Variants in GPR83 observed in about 807,000 individuals in gnomAD.
GPR83 encodes the protein G-protein coupled receptor 72.
GPR83 carries 23 observed loss-of-function variants against 28.0 expected under a neutral mutation model. The ratio of observed to expected loss-of-function variants is 0.82; its 90% confidence interval spans 0.59 to 1.16. The LOEUF is 1.16. Ranked by LOEUF, GPR83 falls within the 50% of genes most tolerant of loss-of-function variation. GPR83 has a pLI of 0.00. For synonymous variants in GPR83, 234 were observed against 215.4 expected, an observed-to-expected ratio of 1.09 and a Z score of -0.76; for missense variants, 610 against 536.6, an observed-to-expected ratio of 1.14 and a Z score of -1.35.
intron 2 of GPR83, 56 bp downstream of exon 2, chr11:94,396,343 C>T: frequency 1.3e-6 from 2 of 1,580,316 alleles, no homozygotes; most frequent in Non-Finnish European, 1.7e-6. Context: ...CCTGCAACTT[C>T]CAGGAAAGGG....
In GPR83 at chr11:94,380,155, C is replaced by T; in HGVS notation, c.1266G>A (p.Met422Ile). The change falls in exon 4 of 4, where the codon ATG becomes ATA. Residue 422 changes from methionine to isoleucine, a missense_variant. By Grantham distance (10) the Met-to-Ile change is conservative (BLOSUM62 1). Coordinates refer to ENST00000243673, the MANE Select transcript of GPR83 (RefSeq NM_016540.4). ...TCCCTCTTCCCAACCTCTTCTAACT[C>T]ATCGTCACAATGGGTTCCACAGATG... ...DLSSVEPIVT[M>I]S 2.6e-6 allele frequency: 4 copies of T among 1,512,070 alleles called. No individual in the cohort carries two copies. The highest frequency in any genetic ancestry group is 1.8e-6 in the Non-Finnish European group (2 of 1,130,968). The allele number at this position is 1,512,070 out of a possible 1,614,324, so 93.7% of individuals were successfully genotyped here.
At chr11:94,386,558 G>C (rs534123783) in intron 3 of GPR83, among the ~76,000 whole-genome samples, 1 of 152,228 alleles carries the variant, frequency 6.6e-6, no homozygotes, top group South Asian at 2.1e-4. Flanking sequence ...CCTAGTCTCT[G>C]ATAAAACAGA....
intron 3 of GPR83, among the ~76,000 whole-genome samples, chr11:94,385,573 T>A (rs1213532799): frequency 1.3e-5 from 2 of 152,124 alleles, no homozygotes; most frequent in African/African-American, 4.8e-5. Context: ...GTAACCAATG[T>A]GATCAACTGG....
chr11:94,391,975 A>G (rs1467580415), intron 3 of GPR83, among the ~76,000 whole-genome samples: 2 of 152,224 alleles, frequency 1.3e-5, no homozygotes, highest in African/African-American at 2.4e-5. Context: ...ATTATTGGGT[A>G]TACACCCAAA....
intron 3 of GPR83, among the ~76,000 whole-genome samples, chr11:94,388,359 G>A (rs575946305): frequency 2.6e-5 from 4 of 152,158 alleles, no homozygotes; most frequent in Non-Finnish European, 4.4e-5. Flanking sequence ...AGGGTATTCT[G>A]TTAGGAAAAG....
chr11:94,397,706 C>T (rs1377814779), intron 1 of GPR83, among the ~76,000 whole-genome samples: 2 of 152,326 alleles, frequency 1.3e-5, no homozygotes, highest in East Asian at 3.9e-4. Flanking sequence ...GTACTTAACG[C>T]TATCAACTGC....
intron 3 of GPR83, among the ~76,000 whole-genome samples, chr11:94,386,809 G>T (rs1944761711): frequency 6.6e-6 from 1 of 152,146 alleles, no homozygotes; most frequent in South Asian, 2.1e-4. Context: ...ATTGAACTCA[G>T]CTCTGCACCA....
chr11:94,387,710 C>T (rs576170592), intron 3 of GPR83, among the ~76,000 whole-genome samples: 187 of 152,232 alleles, frequency 1.2e-3, no homozygotes, highest in African/African-American at 4.2e-3. Flanking sequence ...AAAAAAAGTC[C>T]AGGACCAGAC....
chr11:94,400,017 AAC>A (rs1222800020), intron 1 of GPR83, among the ~76,000 whole-genome samples: 5 of 152,326 alleles, frequency 3.3e-5, no homozygotes, highest in East Asian at 3.9e-4. Context: ...ACAGACCTCA[AAC>A]ACAGCCTCAT....
intron 1 of GPR83, among the ~76,000 whole-genome samples, chr11:94,397,333 T>G (rs577096251): frequency 6.6e-6 from 1 of 152,296 alleles, no homozygotes; most frequent in African/African-American, 2.4e-5. Context: ...GATTGAGCAT[T>G]GATTCTGATT....
intron 3 of GPR83, among the ~76,000 whole-genome samples, chr11:94,390,968 A>C (rs924365402): frequency 6.6e-6 from 1 of 152,184 alleles, no homozygotes; most frequent in African/African-American, 2.4e-5. Context: ...AATTGGAAAA[A>C]ACTACTTTAA....
chr11:94,396,012 G>C (rs1944862184), intron 2 of GPR83, among the ~76,000 whole-genome samples: 1 of 152,202 alleles, frequency 6.6e-6, no homozygotes, highest in African/African-American at 2.4e-5. Context: ...CTGAGGTCAG[G>C]AGTTCGAGAC....
At position 94,401,042 on chromosome 11, in the gene GPR83, G is replaced by A. The variant is rs1037664865; in HGVS notation, c.206C>T (p.Thr69Met). The A allele has an allele frequency of 4.5e-5, 73 of 1,614,036 alleles. No homozygotes were observed. Among genetic ancestry groups the A allele is most frequent in the Non-Finnish European group, 5.8e-5 (69 of 1,179,948 alleles). Reference sequence around the variant, plus strand: ...AGCCACAATGAGCAGGGCTTTCACCGTGGGGTTCTGGGACTCAGCGCCGTA... The same window carrying A: ...AGCCACAATGAGCAGGGCTTTCACCATGGGGTTCTGGGACTCAGCGCCGTA... ...RRYGAESQNP[T>M]VKALLIVAYS... The change falls in exon 1 of 4, where the codon ACG (threonine) becomes ATG (methionine). Residue 69 changes from threonine to methionine, a missense_variant. By Grantham distance (81) the Thr-to-Met change is moderately conservative (BLOSUM62 -1). Transcript: ENST00000243673.
Position 94,401,049 on chromosome 11 carries a change from T to A in GPR83, c.199A>T (p.Asn67Tyr), listed in dbSNP as rs1270923620. ...ATGAGCAGGGCTTTCACCGTGGGGTTCTGGGACTCAGCGCCGTAGCGCCTC... is the reference window on the plus strand; with the variant it reads ...ATGAGCAGGGCTTTCACCGTGGGGTACTGGGACTCAGCGCCGTAGCGCCTC... ...GRRRYGAESQ[N>Y]PTVKALLIVA... Residue 67 changes from asparagine to tyrosine, a missense_variant, in exon 1 of 4, where the codon AAC becomes TAC. By Grantham distance (143) the Asn-to-Tyr change is moderately radical (BLOSUM62 -2). Coordinates refer to ENST00000243673, the MANE Select transcript of GPR83 (RefSeq NM_016540.4). 1 of 1,614,242 alleles carries A rather than the reference T, an allele frequency of 6.2e-7. No individual in the cohort carries two copies. Among genetic ancestry groups the A allele is most frequent in the Non-Finnish European group, 8.5e-7 (1 of 1,180,020 alleles).
At chr11:94,388,545 C>G (rs570020380) in intron 3 of GPR83, among the ~76,000 whole-genome samples, 1 of 152,042 alleles carries the variant, frequency 6.6e-6, no homozygotes, top group East Asian at 1.9e-4. Flanking sequence ...AAACAGAGAG[C>G]CAAATCATGA....
At chr11:94,381,446 G>A (rs1401844096) in intron 3 of GPR83, among the ~76,000 whole-genome samples, 1 of 152,072 alleles carries the variant, frequency 6.6e-6, no homozygotes, top group East Asian at 1.9e-4. Flanking sequence ...GGGCCTGGGT[G>A]AGTGATTCAT....
rs201402593 is a variant in GPR83 at position 94,400,927 on chromosome 11, G to A, written c.321C>T (p.Ser107=). ...FKNQRMHSAT[S]LFIVNLAVAD... is the part of the protein sequence containing the mutation. ...CAACTGCCAGGTTGACGATGAAGAGGCTGGTGGCCGAGTGCATTCGCTGGT... is the reference window on the plus strand; with the variant it reads ...CAACTGCCAGGTTGACGATGAAGAGACTGGTGGCCGAGTGCATTCGCTGGT... Residue 107 remains serine (S), a synonymous_variant, in exon 1 of 4, where the codon AGC becomes AGT. Transcript: ENST00000243673. 22 of 1,614,042 alleles carry A rather than the reference G, an allele frequency of 1.4e-5. No individual in the cohort carries two copies. Among genetic ancestry groups the A allele is most frequent in the East Asian group, 2.2e-5 (1 of 44,870 alleles).
At position 94,395,161 on chromosome 11, in the gene GPR83, C is replaced by T. The variant is rs144040507; in HGVS notation, c.513+1238G>A. ...TCCTTACCAGATGCTGGAATCTCCT[C>T]GAATACCTCCCCATCAAGTTGTCAT... is the stretch of plus-strand genomic sequence containing the variant. On this transcript the variant is annotated intron_variant, in intron 2 of 3. Coordinates refer to ENST00000243673, the MANE Select transcript of GPR83 (RefSeq NM_016540.4). 2.6e-3 allele frequency among the ~76,000 whole-genome samples: 390 copies of T among 152,296 alleles called. 2 individuals are homozygous for T. Among genetic ancestry groups the T allele is most frequent in the African/African-American group, 8.9e-3 (368 of 41,560 alleles).
At chr11:94,388,075 A>C (rs1268384561) in intron 3 of GPR83, among the ~76,000 whole-genome samples, 12 of 152,194 alleles carry the variant, frequency 7.9e-5, no homozygotes, top group Non-Finnish European at 1.6e-4. Context: ...GACAAAAACC[A>C]CACGATTATC....
Sources: allele counts gnomAD v4.1 joint callset (sites outside exome capture counted in the v4.1 genomes callset), GRCh38; gene constraint gnomAD v4.1.1; transcripts MANE v1.5; gene names NCBI Gene and HGNC (gene_info 2026-07-23, HGNC 2026-07-21).